The following RBFOX1 variants were observed in gnomAD, a reference collection of about 807,000 sequenced individuals.
RBFOX1 encodes RNA binding protein fox-1 homolog 1.
Under a neutral mutation model 57.7 loss-of-function variants are expected in RBFOX1, and 8 were observed. The ratio of observed to expected loss-of-function variants is 0.14; its 90% CI spans 0.08 to 0.25. The LOEUF (loss-of-function observed/expected upper bound fraction) is 0.25, where lower values mean the gene tolerates loss of function less well. Ranked by LOEUF, RBFOX1 falls within the 10% of genes least tolerant of loss-of-function variation. The probability of loss-of-function intolerance (pLI) is 1.00; values close to 1 mark genes in which losing one functional copy is unlikely to be tolerated. For missense variants in RBFOX1, 611 were observed against 548.5 expected, an observed-to-expected ratio of 1.11 and a Z score of -1.14; for synonymous variants, 326 against 222.4, an observed-to-expected ratio of 1.47 and a Z score of -4.15.
At chr16:6,550,437 C>T (rs1369634119) in intron 2 of RBFOX1, among the ~76,000 whole-genome samples, 1 of 152,150 alleles carries the variant, frequency 6.6e-6, no homozygotes, top group Non-Finnish European at 1.5e-5. Flanking sequence ...GTGATCTGTT[C>T]ACCTAGGCCT....
At chr16:6,740,342 A>G (rs2071683295) in intron 3 of RBFOX1, among the ~76,000 whole-genome samples, 1 of 152,236 alleles carries the variant, frequency 6.6e-6, no homozygotes, top group South Asian at 2.1e-4. Context: ...CCCCTTAAAT[A>G]CAGGAACAAG....
At chr16:7,187,692 A>C (rs546173475) in intron 4 of RBFOX1, among the ~76,000 whole-genome samples, 1 of 7,110 alleles carries the variant, frequency 1.4e-4, no homozygotes, top group East Asian at 4.7e-3. Flanking sequence ...CTGTCTCACA[A>C]AAAAAAAAAA....
Position 5,548,203 on chromosome 16 carries a change from A to G in RBFOX1, c.259-50699A>G, listed in dbSNP as rs1003641531. Among the ~76,000 whole-genome samples, 124 of 138,478 alleles carry G rather than the reference A, an allele frequency of 9.0e-4. 1 individual carries two copies. Among genetic ancestry groups the G allele is most frequent in the African/African-American group, 3.1e-3 (116 of 37,998 alleles). The allele number at this position is 138,478 out of a possible 152,430, so 90.8% of individuals were successfully genotyped here. The stretch of plus-strand genomic sequence containing the variant: ...TATATATATATATATATATATATAT[A>G]TAGACATTGGGGACTACTGGTGGGG... On this transcript the variant is annotated intron_variant, in intron 2 of 2. Transcript: ENST00000585867.
intron 2 of RBFOX1, among the ~76,000 whole-genome samples, chr16:6,604,890 G>A (rs181285873): frequency 6.6e-6 from 1 of 152,178 alleles, no homozygotes; most frequent in African/African-American, 2.4e-5. Flanking sequence ...AATCTCAACA[G>A]TTTTGGAACC....
chr16:6,191,548 A>G (rs536907569), intron 1 of RBFOX1, among the ~76,000 whole-genome samples: 208 of 152,302 alleles, frequency 1.4e-3, no homozygotes, highest in African/African-American at 4.8e-3. Flanking sequence ...CACTGAATGC[A>G]TTCTTTATTG....
chr16:5,743,433 A>G (rs2052855528), intron 3 of RBFOX1, among the ~76,000 whole-genome samples: 1 of 152,186 alleles, frequency 6.6e-6, no homozygotes, highest in African/African-American at 2.4e-5. Flanking sequence ...GGAGTCTTAC[A>G]TTCCCATAAA....
At chr16:6,695,541 G>T (rs2060915468) in intron 3 of RBFOX1, among the ~76,000 whole-genome samples, 1 of 151,958 alleles carries the variant, frequency 6.6e-6, no homozygotes, top group Non-Finnish European at 1.5e-5. Flanking sequence ...GCCCTTAAGT[G>T]GCCGACGCGC....
chr16:6,655,803 T>A (rs2098646521), intron 3 of RBFOX1, among the ~76,000 whole-genome samples: 1 of 152,180 alleles, frequency 6.6e-6, no homozygotes, highest in Admixed American at 6.5e-5. Context: ...TATTGTCAAA[T>A]GGGTTATTAT....
chr16:5,308,932 C>T (rs946430954), intron 1 of RBFOX1, among the ~76,000 whole-genome samples: 2 of 152,126 alleles, frequency 1.3e-5, no homozygotes, highest in African/African-American at 4.8e-5. Context: ...TCCCACCTCC[C>T]CTGGGCTTGG....
At chr16:6,534,367 G>C (rs189751159) in intron 2 of RBFOX1, among the ~76,000 whole-genome samples, 2 of 152,176 alleles carry the variant, frequency 1.3e-5, no homozygotes, top group Admixed American at 1.3e-4. Context: ...TGAAGCTGAC[G>C]AACAGGAGAA....
At chr16:5,659,374 G>A (rs909810161) in intron 3 of RBFOX1, among the ~76,000 whole-genome samples, 8 of 142,508 alleles carry the variant, frequency 5.6e-5, no homozygotes, top group African/African-American at 1.8e-4. Context: ...CGCCATCCCC[G>A]CTCACTGCAA....
At chr16:6,602,614 C>T (rs762414387) in intron 2 of RBFOX1, among the ~76,000 whole-genome samples, 2 of 152,190 alleles carry the variant, frequency 1.3e-5, no homozygotes, top group African/African-American at 2.4e-5. Flanking sequence ...AAGCCTTCTC[C>T]TGGCTCCAGT....
chr16:6,080,961 C>A (rs925581618), intron 1 of RBFOX1, among the ~76,000 whole-genome samples: 21 of 152,158 alleles, frequency 1.4e-4, no homozygotes, highest in Non-Finnish European at 4.4e-5. Flanking sequence ...AAATCTAAAT[C>A]CTAGTACCAC....
intron 2 of RBFOX1, among the ~76,000 whole-genome samples, chr16:6,428,273 G>C (rs1226894879): frequency 1.4e-5 from 2 of 139,820 alleles, no homozygotes; most frequent in South Asian, 2.3e-4. Context: ...ACAACAGAGG[G>C]AGACCTTGTC....
At chr16:7,380,359 C>G (rs916469451) in intron 4 of RBFOX1, among the ~76,000 whole-genome samples, 1 of 152,116 alleles carries the variant, frequency 6.6e-6, no homozygotes, top group African/African-American at 2.4e-5. Context: ...ATATTTTGTG[C>G]ATATTAAAAA....
At chr16:6,625,679 C>G (rs899010616) in intron 2 of RBFOX1, among the ~76,000 whole-genome samples, 1 of 152,106 alleles carries the variant, frequency 6.6e-6, no homozygotes, top group Non-Finnish European at 1.5e-5. Context: ...AGCAATCTGC[C>G]TTATCAGTAT....
chr16:7,455,004 G>C (rs561106761), intron 4 of RBFOX1, among the ~76,000 whole-genome samples: 3 of 152,150 alleles, frequency 2.0e-5, no homozygotes, highest in Non-Finnish European at 4.4e-5. Flanking sequence ...TTTGCTCATG[G>C]GTTCATTTAT....
At chr16:5,522,726 G>C (rs1159337747) in intron 2 of RBFOX1, among the ~76,000 whole-genome samples, 1 of 152,116 alleles carries the variant, frequency 6.6e-6, no homozygotes, top group Admixed American at 6.5e-5. Context: ...TGGTATCTAT[G>C]ATTCTGCTCT....
intron 4 of RBFOX1, among the ~76,000 whole-genome samples, chr16:7,163,417 G>A (rs1884513851): frequency 1.3e-5 from 2 of 152,116 alleles, no homozygotes; most frequent in South Asian, 4.1e-4. Flanking sequence ...TGTGTATGAA[G>A]CGGCTGGTCT....
Sources: gnomAD v4.1 joint callset for allele counts (sites outside exome capture counted in the v4.1 genomes callset) on GRCh38, gnomAD v4.1.1 for gene constraint, MANE v1.5 for transcripts, NCBI Gene and HGNC (gene_info 2026-07-23, HGNC 2026-07-21) for gene names.